The following GABRG3 variants were observed in gnomAD, a reference collection of about 807,000 sequenced individuals.
GABRG3 encodes gamma-aminobutyric acid type A receptor subunit gamma3.
A neutral mutation model predicts 48.8 loss-of-function variants in GABRG3; 25 were observed. That is an observed-to-expected ratio of 0.51 (90% CI 0.37 to 0.72). The LOEUF is 0.72. GABRG3 is among the 30% of genes least tolerant of loss of function. The pLI is 0.00. For missense variants in GABRG3, 394 were observed against 577.9 expected (o/e 0.68, Z 3.26); for synonymous variants, 227 against 217.6 (o/e 1.04, Z -0.38).
intron 3 of GABRG3, among the ~76,000 whole-genome samples, chr15:27,116,968 A>C (rs4479202): frequency 0.75 from 113,805 of 152,142 alleles, 43,694 homozygotes; most frequent in East Asian, 0.92. Context: ...ATTATTCATA[A>C]ACTACCAAGT....
intron 2 of GABRG3, among the ~76,000 whole-genome samples, chr15:26,982,575 C>T (rs77228894): frequency 0.049 from 7,522 of 152,270 alleles, 608 homozygotes; most frequent in African/African-American, 0.17. Context: ...AAGGTGCTGC[C>T]ATGTGCAATA....
intron 3 of GABRG3, among the ~76,000 whole-genome samples, chr15:27,159,610 G>A (rs741124): frequency 2.6e-5 from 4 of 151,616 alleles, no homozygotes; most frequent in Non-Finnish European, 4.4e-5. Context: ...TTGATTATTC[G>A]TTCTCAGCTA....
intron 3 of GABRG3, among the ~76,000 whole-genome samples, chr15:27,207,659 G>T (rs1200734452): frequency 6.6e-6 from 1 of 152,200 alleles, no homozygotes; most frequent in Non-Finnish European, 1.5e-5. Flanking sequence ...CACCAGGGGG[G>T]CACAGATGTG....
chr15:27,272,990 C>T (rs1891137487), intron 3 of GABRG3, among the ~76,000 whole-genome samples: 1 of 152,184 alleles, frequency 6.6e-6, no homozygotes, highest in South Asian at 2.1e-4. Context: ...GCAAAAGCAA[C>T]CATCGACTAC....
chr15:27,113,367 C>T (rs572689721), intron 3 of GABRG3, among the ~76,000 whole-genome samples: 70 of 152,182 alleles, frequency 4.6e-4, no homozygotes, highest in African/African-American at 1.6e-3. Context: ...TTCTGGTCTG[C>T]TCATAGACTG....
chr15:27,161,434 A>T (rs980106178), intron 3 of GABRG3: 5 of 152,142 alleles, frequency 3.3e-5, no homozygotes, highest in Non-Finnish European at 7.3e-5. Context: ...GCCACAGCAG[A>T]GGAACCCTGA....
chr15:27,520,939 G>A (rs932745411), intron 7 of GABRG3, among the ~76,000 whole-genome samples: 4 of 151,678 alleles, frequency 2.6e-5, no homozygotes, highest in Admixed American at 6.6e-5. Context: ...TAGACCAGAT[G>A]CCAAGAGATT....
At chr15:27,048,057 G>A (rs192886876) in intron 3 of GABRG3, among the ~76,000 whole-genome samples, 28 of 152,280 alleles carry the variant, frequency 1.8e-4, no homozygotes, top group South Asian at 4.1e-4. Flanking sequence ...AGTGAGGGCC[G>A]CCATGGCTCA....
chr15:27,417,515 G>T (rs529226849), intron 5 of GABRG3, among the ~76,000 whole-genome samples: 2 of 152,188 alleles, frequency 1.3e-5, no homozygotes, highest in African/African-American at 2.4e-5. Flanking sequence ...AGTCACTTCT[G>T]CTTCTCCCCA....
At chr15:27,440,977 T>C (rs544371825) in intron 5 of GABRG3, among the ~76,000 whole-genome samples, 1 of 152,304 alleles carries the variant, frequency 6.6e-6, no homozygotes, top group South Asian at 2.1e-4. Flanking sequence ...TTAAAGTTGC[T>C]ACTCATCACA....
intron 3 of GABRG3, among the ~76,000 whole-genome samples, chr15:27,202,300 G>C (rs957183723): frequency 3.3e-5 from 5 of 151,472 alleles, no homozygotes; most frequent in African/African-American, 4.9e-5. Context: ...AATACATCTT[G>C]GTCAATCCTT....
chr15:27,445,871 A>C (rs891214299), intron 5 of GABRG3, among the ~76,000 whole-genome samples: 2 of 151,992 alleles, frequency 1.3e-5, no homozygotes, highest in South Asian at 4.2e-4. Context: ...TGGATATCCA[A>C]TTGTGCCAGC....
chr15:27,080,089 C>T (rs567024420), intron 3 of GABRG3, among the ~76,000 whole-genome samples: 3 of 152,144 alleles, frequency 2.0e-5, no homozygotes, highest in Admixed American at 6.5e-5. Flanking sequence ...AGAGTAGATG[C>T]GTCCTCTCTA....
chr15:27,334,588 G>A (rs904627262), intron 5 of GABRG3, among the ~76,000 whole-genome samples: 10 of 152,210 alleles, frequency 6.6e-5, no homozygotes, highest in South Asian at 4.1e-4. Flanking sequence ...TGCTGTTAGC[G>A]TGTCTTGAAC....
chr15:27,041,242 G>T (rs1481620893), intron 3 of GABRG3, among the ~76,000 whole-genome samples: 2 of 152,126 alleles, frequency 1.3e-5, no homozygotes, highest in Non-Finnish European at 2.9e-5. Flanking sequence ...GAGCACAGAG[G>T]TGCAATCTTG....
chr15:27,121,118 G>A (rs1897723458), intron 3 of GABRG3, among the ~76,000 whole-genome samples: 2 of 152,240 alleles, frequency 1.3e-5, no homozygotes, highest in East Asian at 3.9e-4. Context: ...TGAGAGGGTG[G>A]CATTCTTACA....
In GABRG3 at chr15:27,066,598, G is replaced by A. The variant is rs938133590; in HGVS notation, c.270+39777G>A. On this transcript the variant is annotated intron_variant, in intron 3 of 9. Coordinates refer to ENST00000615808, the MANE Select transcript of GABRG3 (RefSeq NM_033223.5). ...AGAAGGACTTTCAGAAAAACAAGTG[G>A]TATCCACAGGTGCAGGGAAAGACCT... Among the ~76,000 whole-genome samples the A allele has an allele frequency of 3.9e-5, 6 of 152,098 alleles. No individual in the cohort carries two copies. In the East Asian group the frequency reaches 9.6e-4, roughly 24 times the overall value.
intron 3 of GABRG3, among the ~76,000 whole-genome samples, chr15:27,265,396 G>A (rs1364436983): frequency 6.6e-6 from 1 of 152,100 alleles, no homozygotes; most frequent in Non-Finnish European, 1.5e-5. Flanking sequence ...ACCCGTCTAT[G>A]CAAAAATAAA....
intron 6 of GABRG3, among the ~76,000 whole-genome samples, chr15:27,502,376 A>G (rs1890661706): frequency 6.6e-6 from 1 of 152,228 alleles, no homozygotes; most frequent in African/African-American, 2.4e-5. Context: ...CATTTGCCCC[A>G]GTGGTAATTG....
Sources: allele counts gnomAD v4.1 joint callset (sites outside exome capture counted in the v4.1 genomes callset), GRCh38; gene constraint gnomAD v4.1.1; transcripts MANE v1.5; gene names NCBI Gene and HGNC (gene_info 2026-07-23, HGNC 2026-07-21).